Variants in NFIB observed in about 807,000 individuals in gnomAD.
NFIB encodes nuclear factor 1 B-type.
A neutral mutation model predicts 61.5 loss-of-function variants in NFIB; 11 were observed. That is an observed-to-expected ratio of 0.18 (90% CI 0.11 to 0.30). The LOEUF (loss-of-function observed/expected upper bound fraction) is 0.30, where lower values mean the gene tolerates loss of function less well. Among genes scored for constraint, NFIB ranks in the 10% least tolerant of loss-of-function variants. The probability of loss-of-function intolerance (pLI) is 1.00; values close to 1 mark genes in which losing one functional copy is unlikely to be tolerated. For synonymous variants in NFIB, 260 were observed against 216.5 expected (o/e 1.20, Z -1.76); for missense variants, 471 against 608.9 (o/e 0.77, Z 2.38).
In NFIB at chr9:14,116,293, G is replaced by T. The variant is rs1397786408; in HGVS notation, c.1299C>A (p.Val433=). ...VGKVPGHFTP[V]LAPSPHPSAV... ...CACTGGGATGGGGAGAGGGTGCCAAGACAGGAGTGAAATGGCCAGGCACTT... is the reference window on the plus strand; with the variant it reads ...CACTGGGATGGGGAGAGGGTGCCAATACAGGAGTGAAATGGCCAGGCACTT... The change falls in exon 9 of 11, where the codon GTC becomes GTA. Residue 433 remains valine, a synonymous_variant. Coordinates refer to ENST00000380953, the MANE Select transcript of NFIB (RefSeq NM_001190737.2). 6.5e-7 allele frequency: 1 copy of T among 1,538,476 alleles called. No individual in the cohort carries two copies.
At position 14,125,612 on chromosome 9, in the gene NFIB, C is replaced by T. The variant is rs2039544125; in HGVS notation, c.1060+20G>A. ...TACAGACAAGAAGGAGGCTTCTCCT[C>T]TATGCTTGAAACTCCTCACCACTGT... is the stretch of plus-strand genomic sequence containing the variant. On this transcript the variant is annotated intron_variant, in intron 7 of 10. Transcript: ENST00000380953. 6.2e-7 allele frequency: 1 copy of T among 1,613,492 alleles called. No individual in the cohort carries two copies. The highest frequency in any genetic ancestry group is 1.3e-5 in the African/African-American group (1 of 74,914).
chr9:14,427,937 G>GTTGTTTTTTTTTTTTTTT, the NFIB span, among the ~76,000 whole-genome samples: 5 of 43,384 alleles, frequency 1.2e-4, no homozygotes, highest in Non-Finnish European at 1.7e-4. Context: ...TAATTCAGTT[G>GTTGTTTTTTTTTTTTTTT]TTTTTTTTTT....
chr9:14,333,400 C>A (rs1438335320), intron 1 of NFIB, among the ~76,000 whole-genome samples: 1 of 152,116 alleles, frequency 6.6e-6, no homozygotes, highest in African/African-American at 2.4e-5. Context: ...CAGACTTTTT[C>A]TTCACCCCTC....
chr9:14,405,693 T>G, the NFIB span, among the ~76,000 whole-genome samples: 1 of 152,148 alleles, frequency 6.6e-6, no homozygotes, highest in Non-Finnish European at 1.5e-5. Flanking sequence ...CTAGAGGTGT[T>G]GAAAAGTTGG....
intron 1 of NFIB, among the ~76,000 whole-genome samples, chr9:14,391,312 C>A (rs1471776395): frequency 6.6e-6 from 1 of 151,194 alleles, no homozygotes; most frequent in Non-Finnish European, 1.5e-5. Flanking sequence ...GTTAGGCAGA[C>A]AAGACCAGTG....
At chr9:14,167,225 G>T (rs912546750) in intron 3 of NFIB, among the ~76,000 whole-genome samples, 3 of 152,104 alleles carry the variant, frequency 2.0e-5, no homozygotes, top group African/African-American at 7.2e-5. Flanking sequence ...CTTGAGTGTG[G>T]TACTGATTTC....
chr9:14,389,134 T>C (rs1394976938), intron 1 of NFIB, among the ~76,000 whole-genome samples: 1 of 152,168 alleles, frequency 6.6e-6, no homozygotes, highest in Non-Finnish European at 1.5e-5. Flanking sequence ...TTAATTGCAG[T>C]TTCCTCATAT....
chr9:14,346,074 G>A (rs2061014330), intron 1 of NFIB, among the ~76,000 whole-genome samples: 1 of 152,188 alleles, frequency 6.6e-6, no homozygotes, highest in Admixed American at 6.5e-5. Context: ...TCCCCGGCGC[G>A]CACAGTAGAA....
At chr9:14,322,543 G>GCCTC (rs987876676) in intron 1 of NFIB, among the ~76,000 whole-genome samples, 2 of 152,018 alleles carry the variant, frequency 1.3e-5, no homozygotes, top group African/African-American at 4.8e-5. Context: ...TCCTGCAGTC[G>GCCTC]CCTCCCTGGC....
chr9:14,294,702 C>G (rs1658166409), intron 2 of NFIB, among the ~76,000 whole-genome samples: 2 of 152,180 alleles, frequency 1.3e-5, no homozygotes, highest in African/African-American at 4.8e-5. Flanking sequence ...AACTAATGGA[C>G]AAACAGTGAA....
chr9:14,411,665 G>C, the NFIB span, among the ~76,000 whole-genome samples: 19 of 152,208 alleles, frequency 1.2e-4, no homozygotes, highest in South Asian at 3.7e-3. Flanking sequence ...CGTTTCTGTT[G>C]GGGTCCTTCT....
chr9:14,222,776 A>G (rs2051837920), intron 2 of NFIB, among the ~76,000 whole-genome samples: 1 of 137,236 alleles, frequency 7.3e-6, no homozygotes, highest in Admixed American at 7.3e-5. Context: ...AGCCTGGGCA[A>G]CAGAGTAAGA....
intron 1 of NFIB, among the ~76,000 whole-genome samples, chr9:14,359,870 A>T (rs2132941628): frequency 6.6e-6 from 1 of 152,286 alleles, no homozygotes; most frequent in South Asian, 2.1e-4. Flanking sequence ...AGCAGCACAG[A>T]AAGTAGTAAA....
intron 2 of NFIB, among the ~76,000 whole-genome samples, chr9:14,199,978 G>T (rs1418152850): frequency 6.6e-6 from 1 of 152,146 alleles, no homozygotes; most frequent in Non-Finnish European, 1.5e-5. Context: ...GGGAGAACAG[G>T]AGCAGAAGGG....
At chr9:14,367,639 T>A (rs557217867) in intron 1 of NFIB, among the ~76,000 whole-genome samples, 1 of 152,204 alleles carries the variant, frequency 6.6e-6, no homozygotes, top group South Asian at 2.1e-4. Context: ...CAAATGCCCA[T>A]CAATGATAGA....
intron 1 of NFIB, among the ~76,000 whole-genome samples, chr9:14,353,876 TGCAATTGAG>T (rs2061144258): frequency 6.8e-6 from 1 of 146,354 alleles, no homozygotes; most frequent in East Asian, 2.0e-4. Context: ...TTTTTTTGCA[TGCAATTGAG>T]GCTGACAGGA....
chr9:14,176,013 T>C (rs762279586), intron 3 of NFIB, among the ~76,000 whole-genome samples: 5 of 152,200 alleles, frequency 3.3e-5, no homozygotes, highest in African/African-American at 4.8e-5. Context: ...TTAAAGATCA[T>C]AGTCCAAAGA....
chr9:14,430,069 A>G, the NFIB span, among the ~76,000 whole-genome samples: 1 of 152,198 alleles, frequency 6.6e-6, no homozygotes, highest in Non-Finnish European at 1.5e-5. Context: ...TTCCAATTCA[A>G]TAGGTTAATG....
Position 14,084,578 on chromosome 9 carries a change from G to A in NFIB, c.*3731C>T. On this transcript the variant is annotated 3_prime_UTR_variant, in exon 11 of 11. Transcript: ENST00000380953. ...ACTCCAGGGGTAACACGCTTCAGAGGCACTGTGAGTGGTGGGTGGCAGGGC... is the reference window on the plus strand; with the variant it reads ...ACTCCAGGGGTAACACGCTTCAGAGACACTGTGAGTGGTGGGTGGCAGGGC... 4.4e-6 allele frequency: 1 copy of A among 228,406 alleles called. No homozygotes were observed. Among genetic ancestry groups the A allele is most frequent in the Non-Finnish European group, 8.7e-6 (1 of 114,668 alleles). The allele number at this position is 228,406 out of a possible 1,614,324, so 14.1% of individuals were successfully genotyped here.
Sources: allele counts gnomAD v4.1 joint callset (sites outside exome capture counted in the v4.1 genomes callset), GRCh38; gene constraint gnomAD v4.1.1; transcripts MANE v1.5; gene names NCBI Gene and HGNC (gene_info 2026-07-23, HGNC 2026-07-21).